Variants in DGLUCY observed in about 807,000 individuals in gnomAD.
DGLUCY encodes the protein D-glutamate cyclase, mitochondrial.
A neutral mutation model predicts 58.5 loss-of-function variants in DGLUCY; 58 were observed. That is an observed-to-expected ratio of 0.99 (90% CI 0.80 to 1.23). The LOEUF is 1.23. Among genes scored for constraint, DGLUCY ranks in the 50% most tolerant of loss-of-function variants. The pLI is 0.00. For synonymous variants in DGLUCY, 325 were observed against 314.1 expected (o/e 1.03, Z -0.37); for missense variants, 779 against 784.7 (o/e 0.99, Z 0.09).
chr14:91,215,979 G>GT (rs1886461471), intron 13 of DGLUCY: 2 of 337,728 alleles, frequency 5.9e-6, no homozygotes, highest in South Asian at 4.7e-5. Flanking sequence ...AACCTCCAGA[G>GT]TAAGTCAATC....
chr14:91,176,944 TTC>T (rs1329743401), intron 7 of DGLUCY, among the ~76,000 whole-genome samples: 3 of 152,010 alleles, frequency 2.0e-5, no homozygotes, highest in African/African-American at 7.2e-5. Context: ...CTTCCTTCCC[TTC>T]TTCTTTCTTC....
Position 91,173,340 on chromosome 14 carries a change from A to G in DGLUCY, c.508A>G (p.Thr170Ala), listed in dbSNP as rs2048676981. 1.9e-6 allele frequency: 3 copies of G among 1,613,112 alleles called. No homozygotes were observed. The highest frequency in any genetic ancestry group is 1.1e-5 in the South Asian group (1 of 91,052). Residue 170 changes from threonine (T) to alanine (A), a missense_variant, in exon 6 of 14, where the codon ACG becomes GCG. Physicochemically the swap from Thr to Ala is moderately conservative, Grantham distance 58 (BLOSUM62 0). Transcript: ENST00000256324. ...TGGCTTCTGCTGCCCTCTGGTGGTC[A>G]CGATGAGGCCCATTCCCAAGGACAA... ...HAGFCCPLVVTMRPIPKDKLE... is the reference protein window; with the variant it reads ...HAGFCCPLVVAMRPIPKDKLE...
intron 1 of DGLUCY, among the ~76,000 whole-genome samples, chr14:91,117,644 CAT>C (rs1484508848): frequency 3.3e-4 from 50 of 150,028 alleles, no homozygotes; most frequent in Non-Finnish European, 5.1e-4. Flanking sequence ...CTTTTGTTCA[CAT>C]ACACACACAC....
chr14:91,072,621 T>C (rs889005657), intron 1 of DGLUCY, among the ~76,000 whole-genome samples: 4 of 150,564 alleles, frequency 2.7e-5, no homozygotes, highest in African/African-American at 9.8e-5. Flanking sequence ...CAAATATTGA[T>C]GGCTGTTTCC....
intron 1 of DGLUCY, among the ~76,000 whole-genome samples, chr14:91,083,532 A>AC (rs2044162417): frequency 1.3e-5 from 2 of 151,242 alleles, no homozygotes; most frequent in African/African-American, 4.9e-5. Flanking sequence ...CAAAAAAAAA[A>AC]AAAAAAAACA....
intron 1 of DGLUCY, among the ~76,000 whole-genome samples, chr14:91,130,305 C>CTT (rs1187190275): frequency 4.4e-5 from 6 of 137,246 alleles, no homozygotes; most frequent in East Asian, 2.1e-4. Context: ...CTTTTCTTTT[C>CTT]TTTTTTTTTT....
At chr14:91,157,119 G>GGGTGGATGGA (rs1393896750) in intron 1 of DGLUCY, among the ~76,000 whole-genome samples, 2 of 131,164 alleles carry the variant, frequency 1.5e-5, no homozygotes, top group African/African-American at 2.8e-5. Context: ...GGATGGATGG[G>GGGTGGATGGA]TGGATGGATG....
At chr14:91,101,311 A>G (rs1454062228) in intron 1 of DGLUCY, among the ~76,000 whole-genome samples, 1 of 151,880 alleles carries the variant, frequency 6.6e-6, no homozygotes, top group African/African-American at 2.4e-5. Context: ...CCCCTCCCCG[A>G]CCCCTAGCAA....
intron 1 of DGLUCY, among the ~76,000 whole-genome samples, chr14:91,146,782 G>A (rs960831457): frequency 3.3e-5 from 5 of 152,174 alleles, no homozygotes; most frequent in African/African-American, 9.6e-5. Context: ...GCAGGGAAGC[G>A]GACTGTGCTC....
intron 8 of DGLUCY, among the ~76,000 whole-genome samples, chr14:91,184,675 G>GGGAA (rs2049395212): frequency 1.4e-5 from 2 of 144,488 alleles, no homozygotes; most frequent in Non-Finnish European, 1.5e-5. Context: ...GAGGGAGGGA[G>GGGAA]GGAAGGAAGG....
At chr14:91,196,568 T>C in intron 10 of DGLUCY, 94 bp downstream of exon 10, 1 of 1,029,828 alleles carries the variant, frequency 9.7e-7, no homozygotes, top group South Asian at 1.4e-5. Flanking sequence ...CCCAAGCCCT[T>C]CAGAGGGAGC....
At chr14:91,188,786 G>C (rs899956998) in intron 8 of DGLUCY, 124 bp from the exon 9 acceptor site, 1 of 1,116,716 alleles carries the variant, frequency 9.0e-7, no homozygotes, top group African/African-American at 1.6e-5. Context: ...CTGTGATCAC[G>C]CCACTGCCTT....
chr14:91,205,843 T>TTC (rs58405322), intron 12 of DGLUCY, among the ~76,000 whole-genome samples: 1,026 of 7,306 alleles, frequency 0.14, 43 homozygotes, highest in African/African-American at 0.23. Flanking sequence ...CTTCTTCTTC[T>TTC]TTTTTTTTTT....
intron 1 of DGLUCY, among the ~76,000 whole-genome samples, chr14:91,122,043 A>G (rs2045395996): frequency 6.6e-6 from 1 of 152,204 alleles, no homozygotes; most frequent in Admixed American, 6.5e-5. Context: ...AGTGGAGAAC[A>G]GTATTCACAC....
At chr14:91,104,064 T>TTTTTTTTTCTTC (rs1807497620), upstream of DGLUCY, among the ~76,000 whole-genome samples, 4 of 113,948 alleles carry the variant, frequency 3.5e-5, no homozygotes, top group African/African-American at 1.0e-4. Flanking sequence ...AAACATTCTT[T>TTTTTTTTTCTTC]TTTTTTTTTT....
At position 91,074,093 on chromosome 14, in the gene DGLUCY, CA is replaced by C. The variant is rs1183223393; in HGVS notation, c.-82+13401del. Among the ~76,000 whole-genome samples, 412 of 99,674 alleles carry C rather than the reference CA, an allele frequency of 4.1e-3. 3 individuals carry two copies. Among genetic ancestry groups the C allele is most frequent in the Middle Eastern group, 0.011 (2 of 186 alleles). 65.4% of individuals were successfully genotyped at this position (99,674 alleles called of 152,430 possible). On this transcript the variant is annotated intron_variant, in intron 1 of 4. Coordinates refer to the DGLUCY transcript ENST00000521334. ...CAACATAATGAGACCTCATCTCTAC[CA>C]AAAAAAAAAAATATATATATATATA...
chr14:91,190,714 A>G (rs549470342), intron 9 of DGLUCY, among the ~76,000 whole-genome samples: 1 of 152,054 alleles, frequency 6.6e-6, no homozygotes, highest in Non-Finnish European at 1.5e-5. Flanking sequence ...GAATGAGGAA[A>G]AGAGAAGTGG....
upstream of DGLUCY, among the ~76,000 whole-genome samples, chr14:91,110,375 C>T (rs1009601598): frequency 2.0e-5 from 3 of 151,542 alleles, no homozygotes; most frequent in Non-Finnish European, 4.4e-5. Flanking sequence ...TGCTTGGTGT[C>T]AAGGAATCCT....
At chr14:91,217,101 T>C (rs1050290648) in intron 13 of DGLUCY, among the ~76,000 whole-genome samples, 6 of 152,182 alleles carry the variant, frequency 3.9e-5, no homozygotes, top group Non-Finnish European at 8.8e-5. Flanking sequence ...GAGAAGCTGG[T>C]GGACCAGACT....
Sources: gnomAD v4.1 joint callset for allele counts (sites outside exome capture counted in the v4.1 genomes callset) on GRCh38, gnomAD v4.1.1 for gene constraint, MANE v1.5 for transcripts, NCBI Gene and HGNC (gene_info 2026-07-23, HGNC 2026-07-21) for gene names.